Variants in NEU4 observed in about 807,000 individuals in gnomAD.
NEU4 encodes the protein sialidase-4.
In NEU4, 7 loss-of-function variants were observed where a neutral mutation model predicts 9.9. That is an observed-to-expected ratio of 0.71 (90% confidence interval 0.40 to 1.33). The LOEUF (loss-of-function observed/expected upper bound fraction) is 1.33, where lower values mean the gene tolerates loss of function less well. Among genes scored for constraint, NEU4 ranks in the 40% most tolerant of loss-of-function variants. The pLI, the probability that NEU4 is intolerant of heterozygous loss-of-function variation, is 0.01. For missense variants in NEU4, 717 were observed against 712.6 expected (o/e 1.01, Z -0.07); for synonymous variants, 348 against 316.9 (o/e 1.10, Z -1.04).
chr2:241,816,022 C>T lies in NEU4; in HGVS notation c.458-29C>T, dbSNP rs755895730. 1.9e-5 allele frequency: 29 copies of T among 1,554,996 alleles called. No homozygotes were observed. The African/African-American group carries it at 2.0e-4, about 11-fold the overall frequency. On this transcript the variant is annotated intron_variant, in intron 3 of 3. Coordinates refer to ENST00000407683, the MANE Select transcript of NEU4 (RefSeq NM_001167600.3). ...CCCCCGACCTCGGGGACCCAGCAGC[C>T]CCTCCCACCTCTGCCCTCCTCCCTG...
rs1700339480 is a variant in NEU4 at position 241,816,350 on chromosome 2, A to G, written c.757A>G (p.Ser253Gly). The change falls in exon 4 of 4, where the codon AGC becomes GGC. Residue 253 changes from serine (S) to glycine (G), a missense_variant. Coordinates refer to ENST00000407683, the MANE Select transcript of NEU4 (RefSeq NM_001167600.3). ...ACTGGGCAGCCGTGTGCAGGCGCTC[A>G]GCACTGACGAGGGCACCTCCTTCCT... ...SPLGSRVQAL[S>G]TDEGTSFLPA... 2.5e-6 allele frequency: 4 copies of G among 1,584,434 alleles called. No homozygotes were observed. The Admixed American group carries it at 5.3e-5, about 21-fold the overall frequency.
At position 241,816,614 on chromosome 2, in the gene NEU4, G is replaced by A. The variant is rs1334327411; in HGVS notation, c.1021G>A (p.Gly341Arg). 6.3e-7 allele frequency: 1 copy of A among 1,578,086 alleles called. No individual in the cohort carries two copies. The highest frequency in any genetic ancestry group is 8.6e-7 in the Non-Finnish European group (1 of 1,164,358). ...GGPFSRLQPR[G>R]DGPRQPGPRP... ...GCCCTTCAGCCGTCTGCAGCCTCGGGGGGATGGCCCCAGGCAGCCTGGCCC... is the reference window on the plus strand; with the variant it reads ...GCCCTTCAGCCGTCTGCAGCCTCGGAGGGATGGCCCCAGGCAGCCTGGCCC... The change falls in exon 4 of 4, where the codon GGG becomes AGG. Residue 341 changes from glycine to arginine, a missense_variant. By Grantham distance (125) the Gly-to-Arg change is moderately radical. Coordinates refer to ENST00000407683, the MANE Select transcript of NEU4 (RefSeq NM_001167600.3).
intron 2 of NEU4, 41 bp downstream of exon 2, chr2:241,814,726 G>C (rs754874778): frequency 6.6e-7 from 1 of 1,518,026 alleles, no homozygotes; most frequent in Admixed American, 2.0e-5. Flanking sequence ...TGTAGTGGCC[G>C]GATCTGCTGG....
At position 241,814,494 on chromosome 2, in the gene NEU4, C is replaced by T. The variant is rs1700237363; in HGVS notation, c.10C>T (p.Pro4Ser). The T allele has an allele frequency of 6.2e-7, 1 of 1,610,816 alleles. No homozygotes were observed. The highest frequency in any genetic ancestry group is 1.7e-5 in the Admixed American group (1 of 59,920). Residue 4 changes from proline to serine, a missense_variant, in exon 2 of 4, where the codon CCT becomes TCT. Transcript: ENST00000407683. ...TACTGACCAGCAGAGCATGGGGGTC[C>T]CTCGTACCCCTTCACGGACAGTGCT... is the stretch of plus-strand genomic sequence containing the variant. MGV[P>S]RTPSRTVLFE...
chr2:241,814,035 T>G, intron 1 of NEU4: 2 of 425,512 alleles, frequency 4.7e-6, no homozygotes, highest in Non-Finnish European at 9.8e-6. Flanking sequence ...GTGGCCTCTA[T>G]TCTGGGGACA....
chr2:241,815,855 G>A, intron 3 of NEU4, 196 bp from the exon 4 acceptor site: 2 of 627,926 alleles, frequency 3.2e-6, no homozygotes, highest in East Asian at 2.7e-5. Context: ...GGGCTCGGCT[G>A]CTAAGGGCTG....
intron 3 of NEU4, 127 bp from the exon 4 acceptor site, chr2:241,815,924 G>A (rs1053019681): frequency 8.7e-6 from 8 of 917,436 alleles, no homozygotes; most frequent in Admixed American, 2.8e-5. Context: ...GTGTGGAAGG[G>A]CGGTCAGAGT....
Position 241,815,976 on chromosome 2 carries a change from C to G in NEU4, c.458-75C>G, listed in dbSNP as rs1035467302. The G allele has an allele frequency of 3.6e-6, 5 of 1,391,800 alleles. No homozygotes were observed. In the Admixed American group the frequency reaches 7.3e-5, roughly 20 times the overall value. 86.2% of individuals were successfully genotyped at this position (1,391,800 alleles called of 1,614,324 possible). ...GAGGCACCAGCCCCTCCTTCCCCGT[C>G]CCCCTGTGCCTTCCTCCAGCCCCCC... is the stretch of plus-strand genomic sequence containing the variant. On this transcript the variant is annotated intron_variant, in intron 3 of 3. Transcript: ENST00000407683.
chr2:241,812,401 A>G (rs1455233105), intron 1 of NEU4, among the ~76,000 whole-genome samples: 1 of 117,398 alleles, frequency 8.5e-6, no homozygotes, highest in Non-Finnish European at 1.9e-5. Context: ...TGTCCAGGAC[A>G]TGGCTGTCCC....
chr2:241,809,460 G>A, intron 1 of NEU4, 186 bp downstream of exon 1: 1 of 356,648 alleles, frequency 2.8e-6, no homozygotes, highest in South Asian at 2.1e-5. Context: ...CTTGGGGGAG[G>A]GGGCACGTCC....
At chr2:241,811,497 C>A (rs201413680) in intron 1 of NEU4, 242 of 1,479,648 alleles carry the variant, frequency 1.6e-4, no homozygotes, top group Admixed American at 2.8e-4. Flanking sequence ...AGCACCCTCA[C>A]CCCTCTACCC....
At chr2:241,813,379 G>A in intron 1 of NEU4, 1 of 1,045,520 alleles carries the variant, frequency 9.6e-7, no homozygotes, top group Non-Finnish European at 1.2e-6. Context: ...GGCTGGCCGT[G>A]GATCTGACCG....
At position 241,811,415 on chromosome 2, in the gene NEU4, C is replaced by T. The variant is rs761683807; in HGVS notation, c.-4+2141C>T. ...GCCCTTGTCTCTGCTCTGGGTCAGGCGAGGCAGCCACCCATGATGAGCTCT... is the reference window on the plus strand; with the variant it reads ...GCCCTTGTCTCTGCTCTGGGTCAGGTGAGGCAGCCACCCATGATGAGCTCT... On this transcript the variant is annotated intron_variant, in intron 1 of 3. Coordinates refer to ENST00000407683, the MANE Select transcript of NEU4 (RefSeq NM_001167600.3). The T allele has an allele frequency of 1.6e-5, 25 of 1,553,700 alleles. No homozygotes were observed. The Middle Eastern group carries it at 5.1e-4, about 32-fold the overall frequency.
chr2:241,811,250 T>C, intron 1 of NEU4: 1 of 1,254,846 alleles, frequency 8.0e-7, no homozygotes, highest in Non-Finnish European at 1.0e-6. Flanking sequence ...GTCCCGGGCG[T>C]CTGTGTGGCT....
In NEU4 at chr2:241,814,598, C is replaced by T. The variant is rs1437087543; in HGVS notation, c.114C>T (p.Ala38=). 2.5e-6 allele frequency: 4 copies of T among 1,611,436 alleles called. No homozygotes were observed. The highest frequency in any genetic ancestry group is 3.4e-6 in the Non-Finnish European group (4 of 1,179,496). ...LPVPPGPTLL[A]FVEQRLSPDD... is the part of the protein sequence containing the mutation. The stretch of plus-strand genomic sequence containing the variant: ...TGCCCCCCGGGCCCACCCTGCTGGC[C>T]TTTGTGGAGCAGCGGCTCAGCCCTG... The change falls in exon 2 of 4, where the codon GCC becomes GCT. Residue 38 remains alanine (A), a synonymous_variant. Coordinates refer to ENST00000407683, the MANE Select transcript of NEU4 (RefSeq NM_001167600.3).
Position 241,817,346 on chromosome 2 carries a change from T to C in NEU4, c.*298T>C, listed in dbSNP as rs1337313770. On this transcript the variant is annotated 3_prime_UTR_variant, in exon 4 of 4. Transcript: ENST00000407683. ...CGGGACCGCAGGTAGCCCAGGGTGTTGTGGGTGGCAGCACTTGTTTACTGG... is the reference window on the plus strand; with the variant it reads ...CGGGACCGCAGGTAGCCCAGGGTGTCGTGGGTGGCAGCACTTGTTTACTGG... 1 of 437,214 alleles carries C rather than the reference T, an allele frequency of 2.3e-6. No homozygotes were observed. The highest frequency in any genetic ancestry group is 4.0e-6 in the Non-Finnish European group (1 of 250,114). The allele number at this position is 437,214 out of a possible 1,614,324, so 27.1% of individuals were successfully genotyped here. A position where few individuals can be genotyped will look rare whatever the true frequency, so the allele number is the denominator to read the frequency against.
chr2:241,813,337 G>T (rs926329379), intron 1 of NEU4: 2 of 1,047,994 alleles, frequency 1.9e-6, no homozygotes, highest in African/African-American at 1.7e-5. Context: ...CCTTAGCCCC[G>T]CATCCAGGTG....
At chr2:241,811,087 G>C (rs368537287) in intron 1 of NEU4, 1 of 1,170,766 alleles carries the variant, frequency 8.5e-7, no homozygotes, top group African/African-American at 1.6e-5. Context: ...GCAGGGCCGC[G>C]TCTCTGGAGC....
chr2:241,814,521 T>C lies in NEU4; in HGVS notation c.37T>C (p.Phe13Leu). 6.2e-7 allele frequency: 1 copy of C among 1,611,134 alleles called. No individual in the cohort carries two copies. The highest frequency in any genetic ancestry group is 8.5e-7 in the Non-Finnish European group (1 of 1,178,526). The change falls in exon 2 of 4, where the codon TTC becomes CTC. Residue 13 changes from phenylalanine to leucine, a missense_variant. Coordinates refer to ENST00000407683, the MANE Select transcript of NEU4 (RefSeq NM_001167600.3). Reference protein sequence around the residue: ...VPRTPSRTVLFERERTGLTYR... With the variant: ...VPRTPSRTVLLERERTGLTYR... ...TCGTACCCCTTCACGGACAGTGCTC[T>C]TCGAGCGGGAGAGGACGGGCCTGAC...
Sources: gnomAD v4.1 joint callset for allele counts (sites outside exome capture counted in the v4.1 genomes callset) on GRCh38, gnomAD v4.1.1 for gene constraint, MANE v1.5 for transcripts, NCBI Gene and HGNC (gene_info 2026-07-23, HGNC 2026-07-21) for gene names.